The following DYNC2H1 variants were observed in gnomAD, a reference collection of about 807,000 sequenced individuals.
The protein encoded by DYNC2H1 is cytoplasmic dynein 2 heavy chain 1.
Under a neutral mutation model 570.0 loss-of-function variants are expected in DYNC2H1, and 410 were observed. That is an observed-to-expected ratio of 0.72 (90% CI 0.66 to 0.78). DYNC2H1 has a LOEUF of 0.78. Ranked by LOEUF, DYNC2H1 falls within the 30% of genes least tolerant of loss-of-function variation. The pLI is 0.00. For missense variants in DYNC2H1, 4,865 were observed against 5,046.4 expected, an observed-to-expected ratio of 0.96 and a Z score of 1.09; for synonymous variants, 1,688 against 1,677.6, an observed-to-expected ratio of 1.01 and a Z score of -0.15.
intron 70 of DYNC2H1, among the ~76,000 whole-genome samples, chr11:103,265,301 CA>C (rs766889957): frequency 2.6e-5 from 4 of 152,124 alleles, no homozygotes; most frequent in Admixed American, 6.5e-5. Context: ...ATCGGTTTAG[CA>C]AACCACCACG....
At chr11:103,456,896 G>A (rs569766941) in intron 87 of DYNC2H1, among the ~76,000 whole-genome samples, 8 of 152,282 alleles carry the variant, frequency 5.3e-5, no homozygotes, top group African/African-American at 1.9e-4. Flanking sequence ...TACCTTTGGG[G>A]TATATGTATA....
rs923729821 is a variant in DYNC2H1, at chr11:103,235,742, A to T, written c.9638A>T (p.Tyr3213Phe). The T allele has an allele frequency of 1.9e-6, 3 of 1,611,692 alleles. No homozygotes were observed. In the African/African-American group the frequency reaches 4.0e-5, roughly 22 times the overall value. Residue 3213 changes from tyrosine (Y) to phenylalanine (F), a missense_variant, in exon 62 of 89, where the codon TAT (tyrosine) becomes TTT (phenylalanine). Physicochemically the swap from Tyr to Phe is conservative, Grantham distance 22 (BLOSUM62 3). This residue lies in a region of DYNC2H1 where 2,401 missense variants were observed against 2,454.6 expected (regional missense o/e 0.98). Transcript: ENST00000375735. The stretch of plus-strand genomic sequence containing the variant: ...CAACTTGCTGCTGCATTTATTACAT[A>T]TCTTTCTGCTGCTCCTGAATCTCTG... ...RAQLAAAFITYLSAAPESLRK... is the reference protein window; with the variant it reads ...RAQLAAAFITFLSAAPESLRK...
chr11:103,401,645 C>T (rs1255740490), intron 84 of DYNC2H1, among the ~76,000 whole-genome samples: 1 of 152,116 alleles, frequency 6.6e-6, no homozygotes, highest in African/African-American at 2.4e-5. Context: ...TTAAGCATCT[C>T]TAAACTTCGC....
chr11:103,274,876 C>T (rs1865847333), intron 70 of DYNC2H1, among the ~76,000 whole-genome samples: 1 of 152,090 alleles, frequency 6.6e-6, no homozygotes, highest in South Asian at 2.1e-4. Context: ...GGGCGGAAGA[C>T]CTGAGGTCAG....
intron 6 of DYNC2H1, among the ~76,000 whole-genome samples, chr11:103,119,231 C>G (rs1272957886): frequency 6.6e-6 from 1 of 152,060 alleles, no homozygotes; most frequent in Non-Finnish European, 1.5e-5. Context: ...TTATGTGTTT[C>G]AGTCCATTTT....
At chr11:103,192,309 T>A in intron 47 of DYNC2H1, 45 bp downstream of exon 47, 1 of 1,365,120 alleles carries the variant, frequency 7.3e-7, no homozygotes, top group Non-Finnish European at 9.6e-7. Context: ...TTACAAGGAT[T>A]TCAGAAATTT....
chr11:103,230,520 T>A (rs1373307592), intron 59 of DYNC2H1, among the ~76,000 whole-genome samples: 2 of 152,202 alleles, frequency 1.3e-5, no homozygotes, highest in African/African-American at 4.8e-5. Context: ...CTGGGTTTTA[T>A]TAGCGGTAGT....
At chr11:103,222,755 CA>C (rs1167491610) in intron 58 of DYNC2H1, among the ~76,000 whole-genome samples, 7 of 152,006 alleles carry the variant, frequency 4.6e-5, no homozygotes, top group African/African-American at 7.2e-5. Context: ...CTGTGTGGTT[CA>C]AAAAATTTAT....
chr11:103,255,322 A>G (rs538554859), intron 66 of DYNC2H1, 93 bp from the exon 67 acceptor site: 1 of 1,332,448 alleles, frequency 7.5e-7, no homozygotes, highest in Admixed American at 2.9e-5. Flanking sequence ...CATATTTGTA[A>G]TAGTCTGTCA....
chr11:103,149,518 C>T lies in DYNC2H1; in HGVS notation c.2946+901C>T, dbSNP rs187770975. ...TCAAGGTGAATAAAATAACATACCA[C>T]TGCAGTGGAAAGAATTACAGACTTT... On this transcript the variant is annotated intron_variant, in intron 20 of 88. Transcript: ENST00000375735. Among the ~76,000 whole-genome samples, 74 of 152,248 alleles carry T rather than the reference C, an allele frequency of 4.9e-4. 5 individuals carry two copies. The East Asian group carries it at 5.8e-3, about 12-fold the overall frequency.
intron 88 of DYNC2H1, among the ~76,000 whole-genome samples, chr11:103,471,619 T>G (rs942921820): frequency 1.3e-5 from 2 of 152,246 alleles, no homozygotes; most frequent in Non-Finnish European, 2.9e-5. Context: ...TAATTTAAAC[T>G]TTTATAATGC....
intron 29 of DYNC2H1, 22 bp downstream of exon 29, chr11:103,161,066 A>G (rs774663876): frequency 3.6e-5 from 46 of 1,273,890 alleles, no homozygotes; most frequent in Non-Finnish European, 4.7e-5. Flanking sequence ...TTTTTCAAAT[A>G]TGAAAACAAA....
chr11:103,115,266 T>G lies in DYNC2H1; in HGVS notation c.592T>G (p.Phe198Val), dbSNP rs770473454. Reference protein sequence around the residue: ...KQISKERANYFKELFETIARE... With the variant: ...KQISKERANYVKELFETIARE... ...GATTAGTAAAGAAAGAGCCAATTAT[T>G]TTAAAGAATTATTTGAAACAATTGC... The change falls in exon 4 of 89, where the codon TTT becomes GTT. Residue 198 changes from phenylalanine to valine, a missense_variant. By Grantham distance (50) the Phe-to-Val change is conservative. This residue lies in a region of DYNC2H1 where 1,936 missense variants were observed against 1,962.1 expected (regional missense o/e 0.99). Coordinates refer to ENST00000375735, the MANE Select transcript of DYNC2H1 (RefSeq NM_001377.3). 5 of 1,597,924 alleles carry G rather than the reference T, an allele frequency of 3.1e-6. No homozygotes were observed. In the South Asian group the frequency reaches 5.7e-5, roughly 18 times the overall value.
intron 60 of DYNC2H1, among the ~76,000 whole-genome samples, chr11:103,232,378 C>G (rs1253713087): frequency 6.6e-6 from 1 of 151,836 alleles, no homozygotes; most frequent in African/African-American, 2.4e-5. Context: ...ATGTTAGATA[C>G]TAGATTTGTC....
chr11:103,119,086 T>C (rs1461348178), intron 6 of DYNC2H1, among the ~76,000 whole-genome samples: 1 of 152,212 alleles, frequency 6.6e-6, no homozygotes, highest in Non-Finnish European at 1.5e-5. Flanking sequence ...GAAACGGCAG[T>C]ATAGATAATT....
chr11:103,296,578 C>A (rs1866835880), intron 75 of DYNC2H1, among the ~76,000 whole-genome samples: 1 of 152,154 alleles, frequency 6.6e-6, no homozygotes, highest in Admixed American at 6.6e-5. Flanking sequence ...ATCAACACAT[C>A]TACCATTTGC....
intron 83 of DYNC2H1, among the ~76,000 whole-genome samples, chr11:103,394,267 A>G (rs1181151070): frequency 6.6e-6 from 1 of 152,208 alleles, no homozygotes; most frequent in Admixed American, 6.5e-5. Context: ...ACAATTTGCT[A>G]TGAAAAGGAA....
At chr11:103,470,320 CTAATT>C (rs992142411) in intron 88 of DYNC2H1, among the ~76,000 whole-genome samples, 20 of 152,148 alleles carry the variant, frequency 1.3e-4, no homozygotes, top group African/African-American at 4.6e-4. Context: ...GAATAAAAAG[CTAATT>C]TAATTTGAAA....
intron 73 of DYNC2H1, among the ~76,000 whole-genome samples, chr11:103,286,025 A>G (rs973262170): frequency 1.4e-4 from 21 of 152,336 alleles, no homozygotes; most frequent in African/African-American, 5.0e-4. Context: ...AGATTAACTC[A>G]TGAGTACTGA....
Sources: gnomAD v4.1 joint callset for allele counts (sites outside exome capture counted in the v4.1 genomes callset) on GRCh38, gnomAD v4.1.1 for gene constraint, gnomAD v4.1.1 regional missense constraint, MANE v1.5 for transcripts, NCBI Gene and HGNC (gene_info 2026-07-23, HGNC 2026-07-21) for gene names.